The following NME7 variants were observed in gnomAD, a reference collection of about 807,000 sequenced individuals.
The protein encoded by NME7 is nucleoside diphosphate kinase 7.
NME7 carries 41 observed loss-of-function variants against 49.1 expected under a neutral mutation model. That is an observed-to-expected ratio of 0.83 (90% CI 0.65 to 1.08). The LOEUF (loss-of-function observed/expected upper bound fraction) is 1.08, where lower values mean the gene tolerates loss of function less well. NME7 is among the 50% of genes least tolerant of loss of function. The pLI, the probability that NME7 is intolerant of heterozygous loss-of-function variation, is 0.00. For synonymous variants in NME7, 139 were observed against 150.6 expected, an observed-to-expected ratio of 0.92 and a Z score of 0.56; for missense variants, 423 against 463.4, an observed-to-expected ratio of 0.91 and a Z score of 0.80.
intron 1 of NME7, among the ~76,000 whole-genome samples, chr1:169,358,291 C>CA (rs938050066): frequency 2.6e-5 from 4 of 151,846 alleles, no homozygotes; most frequent in African/African-American, 9.7e-5. Context: ...TTGATCTTCA[C>CA]AAAAAATGCT....
chr1:169,151,290 G>A (rs1658907561), intron 11 of NME7, among the ~76,000 whole-genome samples: 1 of 152,184 alleles, frequency 6.6e-6, no homozygotes, highest in South Asian at 2.1e-4. Context: ...TGAGTCCCGG[G>A]TGCTTCAGGG....
chr1:169,272,383 C>G (rs544671212), intron 7 of NME7, among the ~76,000 whole-genome samples: 1 of 131,548 alleles, frequency 7.6e-6, no homozygotes, highest in African/African-American at 2.6e-5. Context: ...CTGCACATAT[C>G]AACTCATTAT....
At chr1:169,145,001 T>C (rs575045343) in intron 11 of NME7, among the ~76,000 whole-genome samples, 1 of 152,314 alleles carries the variant, frequency 6.6e-6, no homozygotes, top group Non-Finnish European at 1.5e-5. Context: ...ATGATGACTT[T>C]ATGGAAAGAT....
At chr1:169,201,038 C>A (rs1438599573) in intron 10 of NME7, among the ~76,000 whole-genome samples, 1 of 152,066 alleles carries the variant, frequency 6.6e-6, no homozygotes, top group African/African-American at 2.4e-5. Context: ...TGAGACCAGC[C>A]TGGGCAACAT....
At chr1:169,175,324 G>A (rs1471934935) in intron 10 of NME7, among the ~76,000 whole-genome samples, 1 of 152,030 alleles carries the variant, frequency 6.6e-6, no homozygotes, top group Non-Finnish European at 1.5e-5. Flanking sequence ...AATACCTCCT[G>A]AAGGACCTGC....
chr1:169,188,480 A>C (rs982713465), intron 10 of NME7, among the ~76,000 whole-genome samples: 1 of 152,186 alleles, frequency 6.6e-6, no homozygotes, highest in Non-Finnish European at 1.5e-5. Flanking sequence ...CATTAGGGGT[A>C]TCCATCCATT....
chr1:169,213,807 T>C (rs12739920), intron 10 of NME7, among the ~76,000 whole-genome samples: 3 of 150,758 alleles, frequency 2.0e-5, no homozygotes, highest in Non-Finnish European at 4.4e-5. Flanking sequence ...TGGGAAAAAA[T>C]ATAAAAATAA....
At chr1:169,366,939 C>T (rs1483458065) in intron 1 of NME7, among the ~76,000 whole-genome samples, 4 of 151,978 alleles carry the variant, frequency 2.6e-5, no homozygotes, top group Non-Finnish European at 5.9e-5. Context: ...TCCTCCAGTC[C>T]GTTATCCATA....
intron 1 of NME7, among the ~76,000 whole-genome samples, chr1:169,326,455 G>A (rs769097280): frequency 2.0e-5 from 3 of 152,080 alleles, no homozygotes; most frequent in Non-Finnish European, 4.4e-5. Context: ...CATTCATTGC[G>A]TTGTCTTTAC....
At chr1:169,144,353 C>A (rs1434733412) in intron 11 of NME7, among the ~76,000 whole-genome samples, 1 of 152,066 alleles carries the variant, frequency 6.6e-6, no homozygotes, top group Non-Finnish European at 1.5e-5. Context: ...AAGGCCATTA[C>A]AAGAGAATAT....
At chr1:169,192,077 T>C (rs1251035469) in intron 10 of NME7, among the ~76,000 whole-genome samples, 3 of 152,228 alleles carry the variant, frequency 2.0e-5, no homozygotes, top group African/African-American at 4.8e-5. Flanking sequence ...GTATTGGAGA[T>C]ACCAAAAAGG....
chr1:169,330,210 A>G (rs1044436968), intron 1 of NME7, among the ~76,000 whole-genome samples: 1 of 152,258 alleles, frequency 6.6e-6, no homozygotes, highest in African/African-American at 2.4e-5. Flanking sequence ...TACTTCAATC[A>G]GAAAGAAAAA....
Position 169,298,506 on chromosome 1 carries a change from A to G in NME7, c.648+50T>C. On this transcript the variant is annotated intron_variant, in intron 6 of 11. Transcript: ENST00000367811. ...ATAGAAATGCTTTCCTTTGATATAAAACATTTAACAGAACTAGAAGAGCAT... is the reference window on the plus strand; with the variant it reads ...ATAGAAATGCTTTCCTTTGATATAAGACATTTAACAGAACTAGAAGAGCAT... 3.2e-6 allele frequency: 5 copies of G among 1,562,460 alleles called. No individual in the cohort carries two copies. The South Asian group carries it at 4.6e-5, about 14-fold the overall frequency.
At chr1:169,184,515 T>G (rs1660015085) in intron 10 of NME7, among the ~76,000 whole-genome samples, 1 of 152,194 alleles carries the variant, frequency 6.6e-6, no homozygotes, top group South Asian at 2.1e-4. Flanking sequence ...TTTTTCTTCT[T>G]CAGTTTCTAG....
chr1:169,329,271 C>T (rs529361420), intron 1 of NME7, among the ~76,000 whole-genome samples: 6 of 151,766 alleles, frequency 4.0e-5, no homozygotes, highest in African/African-American at 7.3e-5. Flanking sequence ...GCTTCAACTT[C>T]CTTGTTCCTA....
chr1:169,354,741 T>C (rs993039122), intron 1 of NME7, among the ~76,000 whole-genome samples: 1 of 142,896 alleles, frequency 7.0e-6, no homozygotes, highest in Admixed American at 7.4e-5. Context: ...TACACACACC[T>C]AGTATACTAT....
In NME7 at chr1:169,257,694, C is replaced by A. The variant is rs781062794; in HGVS notation, c.755-20007G>T. Among the ~76,000 whole-genome samples, 24 of 133,992 alleles carry A rather than the reference C, an allele frequency of 1.8e-4. 4 individuals carry two copies. The highest frequency in any genetic ancestry group is 1.8e-4 in the Non-Finnish European group (10 of 57,038). The allele number at this position is 133,992 out of a possible 152,430, so 87.9% of individuals were successfully genotyped here. A position where few individuals can be genotyped will look rare whatever the true frequency, so the allele number is the denominator to read the frequency against. ...TGCCTTTTTCTTTTAAAGTTTAAAA[C>A]TCCTTTTAGCATTTTCAATAGAGCT... On this transcript the variant is annotated intron_variant, in intron 7 of 11. Coordinates refer to ENST00000367811, the MANE Select transcript of NME7 (RefSeq NM_013330.5).
intron 7 of NME7, among the ~76,000 whole-genome samples, chr1:169,254,004 C>G (rs541334333): frequency 4.5e-4 from 68 of 151,002 alleles, no homozygotes; most frequent in African/African-American, 1.3e-3. Flanking sequence ...TGTTCATCAA[C>G]GATATTGGTC....
chr1:169,241,461 AT>A (rs147316911), intron 7 of NME7, among the ~76,000 whole-genome samples: 2,200 of 152,184 alleles, frequency 0.014, 48 homozygotes, highest in African/African-American at 0.048. Context: ...TAATAAAAAA[AT>A]GATTACATAT....
Sources: gnomAD v4.1 joint callset for allele counts (sites outside exome capture counted in the v4.1 genomes callset) on GRCh38, gnomAD v4.1.1 for gene constraint, MANE v1.5 for transcripts, NCBI Gene and HGNC (gene_info 2026-07-23, HGNC 2026-07-21) for gene names.